Variants in SAGE1 observed in about 807,000 individuals in gnomAD.
SAGE1 encodes the protein cancer/testis antigen 14.
SAGE1 carries 55 observed loss-of-function variants against 55.4 expected under a neutral mutation model. The ratio of observed to expected loss-of-function variants is 0.99; its 90% CI spans 0.80 to 1.24. SAGE1 has a LOEUF of 1.24. SAGE1 is among the 50% of genes most tolerant of loss of function. The pLI is 0.00. For missense variants in SAGE1, 710 were observed against 704.4 expected, an observed-to-expected ratio of 1.01 and a Z score of -0.09; for synonymous variants, 240 against 244.3, an observed-to-expected ratio of 0.98 and a Z score of 0.17.
intron 2 of SAGE1, among the ~76,000 whole-genome samples, chrX:135,898,318 C>A (rs1432873476): frequency 8.9e-6 from 1 of 112,276 alleles, no homozygotes; most frequent in African/African-American, 3.2e-5. Flanking sequence ...CGCACCCGGC[C>A]GATCTCATTC....
In SAGE1 at chrX:135,907,710, T is replaced by A; in HGVS notation, c.1028T>A (p.Ile343Asn). ...GMNTRDQYAT[I>N]THNVCEERVV... ...TTCATTTGGTTTCCAGATGCTACCA[T>A]CACTCACAATGTCTGTGAAGAGAGA... is the stretch of plus-strand genomic sequence containing the variant. Residue 343 changes from isoleucine to asparagine, a missense_variant, in exon 10 of 20, where the codon ATC (isoleucine) becomes AAC (asparagine). Coordinates refer to ENST00000370709, the MANE Select transcript of SAGE1 (RefSeq NM_001381902.1). 2 of 1,209,320 alleles carry A rather than the reference T, an allele frequency of 1.7e-6. No individual in the cohort carries two copies. Among genetic ancestry groups the A allele is most frequent in the Non-Finnish European group, 2.2e-6 (2 of 894,063 alleles).
Position 135,908,947 on chromosome X carries a change from C to A in SAGE1, c.1525C>A (p.Pro509Thr). The change falls in exon 13 of 20, where the codon CCA becomes ACA. Residue 509 changes from proline (P) to threonine (T), a missense_variant. Physicochemically the swap from Pro to Thr is conservative, Grantham distance 38. Coordinates refer to ENST00000370709, the MANE Select transcript of SAGE1 (RefSeq NM_001381902.1). ...TGATAAGGTCATATCAAATGATGCA[C>A]CACAGCTTGGTCATATGGCTGCAGG... ...QTDKVISNDA[P>T]QLGHMAAGGI... The A allele has an allele frequency of 2.5e-6, 3 of 1,209,167 alleles. No homozygotes were observed. Among genetic ancestry groups the A allele is most frequent in the Non-Finnish European group, 3.4e-6 (3 of 893,497 alleles).
At chrX:135,903,191 C>T (rs1300777639) in intron 3 of SAGE1, among the ~76,000 whole-genome samples, 1 of 112,328 alleles carries the variant, frequency 8.9e-6, no homozygotes, top group African/African-American at 3.2e-5. Context: ...CTTGGCCTCA[C>T]TGCAGCCTGG....
chrX:135,910,163 G>C lies in SAGE1; in HGVS notation c.1857G>C (p.Arg619Ser). 5 of 1,206,024 alleles carry C rather than the reference G, an allele frequency of 4.1e-6. No individual in the cohort carries two copies. The highest frequency in any genetic ancestry group is 5.6e-6 in the Non-Finnish European group (5 of 891,219). Residue 619 changes from arginine (R) to serine (S), a missense_variant, in exon 15 of 20, where the codon AGG becomes AGC. Physicochemically the swap from Arg to Ser is moderately radical, Grantham distance 110 (BLOSUM62 -1). Transcript: ENST00000370709. ...CTGGTGTTTCATCCATGAGTACCAG[G>C]GATCAGTGTAAGTTTATTCACTTGT... Reference protein sequence around the residue: ...AATGVSSMSTRDQYAAVTHNI... With the variant: ...AATGVSSMSTSDQYAAVTHNI...
chrX:135,898,162 C>G (rs112377593), intron 2 of SAGE1, among the ~76,000 whole-genome samples: 2 of 111,258 alleles, frequency 1.8e-5, no homozygotes, highest in Admixed American at 9.5e-5. Flanking sequence ...GTACTGCAAG[C>G]GCCCGCCACC....
Position 135,904,550 on chromosome X carries a change from A to C in SAGE1, c.294A>C (p.Ser98=). Residue 98 remains serine (S), a synonymous_variant, in exon 4 of 20, where the codon TCA becomes TCC. Transcript: ENST00000370709. The stretch of plus-strand genomic sequence containing the variant: ...AACCAGTAGCTGATAATGTCTTGTC[A>C]ACTGCTCCACCATGGCCTGGTAATA... ...NGQPVADNVL[S]TAPPWPDATI... The C allele has an allele frequency of 4.2e-6, 5 of 1,194,354 alleles. No homozygotes were observed. In the Middle Eastern group the frequency reaches 1.2e-3, roughly 277 times the overall value.
chrX:135,907,549 A>T (rs181865315), intron 9 of SAGE1, 96 bp downstream of exon 9: 737 of 989,781 alleles, frequency 7.4e-4, no homozygotes, highest in Non-Finnish European at 8.9e-4. Flanking sequence ...ATTCTCTTTC[A>T]TGAGCTCAAT....
In SAGE1 at chrX:135,911,729, A is replaced by T. The variant is rs147884544; in HGVS notation, c.2297A>T (p.Asp766Val). The change falls in exon 18 of 20, where the codon GAC becomes GTC. Residue 766 changes from aspartate to valine, a missense_variant. Physicochemically the swap from Asp to Val is radical, Grantham distance 152. Coordinates refer to ENST00000370709, the MANE Select transcript of SAGE1 (RefSeq NM_001381902.1). ...AATGCATTGGATTCTTTCTCTCACG[A>T]CTTCACAAGTCTCAGCAAAGATGAG... ...PPNALDSFSHDFTSLSKDELL... is the reference protein window; with the variant it reads ...PPNALDSFSHVFTSLSKDELL... 1,007 of 1,209,424 alleles carry T rather than the reference A, an allele frequency of 8.3e-4. 5 individuals are homozygous for T. In the African/African-American group the frequency reaches 0.014, roughly 17 times the overall value.
intron 16 of SAGE1, 94 bp from the exon 17 acceptor site, chrX:135,911,098 A>G: frequency 1.0e-6 from 1 of 989,478 alleles, no homozygotes. Context: ...GCTGTATGGG[A>G]TAACGTCCTG....
chrX:135,905,752 G>A (rs1409653220), intron 5 of SAGE1, among the ~76,000 whole-genome samples: 1 of 112,284 alleles, frequency 8.9e-6, no homozygotes, highest in Non-Finnish European at 1.9e-5. Flanking sequence ...CACAGGGGCT[G>A]ATATTCCACC....
At chrX:135,897,603 A>G (rs1299539505) in intron 2 of SAGE1, among the ~76,000 whole-genome samples, 1 of 112,281 alleles carries the variant, frequency 8.9e-6, no homozygotes, top group Admixed American at 9.4e-5. Flanking sequence ...TCAAAATTAT[A>G]TATTTGAATA....
At chrX:135,903,520 G>C (rs1212504199) in intron 3 of SAGE1, among the ~76,000 whole-genome samples, 8 of 112,847 alleles carry the variant, frequency 7.1e-5, no homozygotes, top group African/African-American at 2.6e-4. Context: ...AAATGAAAGA[G>C]GCGTCAGACC....
At chrX:135,909,548 A>G in intron 13 of SAGE1, 91 bp from the exon 14 acceptor site, 2 of 927,195 alleles carry the variant, frequency 2.2e-6, no homozygotes, top group Non-Finnish European at 3.0e-6. Context: ...TTATGGAACA[A>G]TTTCTTACAA....
chrX:135,896,560 CT>C (rs35997575), intron 2 of SAGE1, among the ~76,000 whole-genome samples: 3,424 of 94,982 alleles, frequency 0.036, 163 homozygotes, highest in African/African-American at 0.12. Context: ...TTATTTATAT[CT>C]TTTTTTTTTT....
intron 12 of SAGE1, 47 bp from the exon 13 acceptor site, chrX:135,908,817 A>G (rs1556604038): frequency 1.7e-6 from 2 of 1,187,500 alleles, no homozygotes; most frequent in African/African-American, 3.5e-5. Flanking sequence ...GGTGGGGTTG[A>G]CATAATGCAC....
At chrX:135,905,139 T>C in intron 4 of SAGE1, 113 bp from the exon 5 acceptor site, 1 of 702,950 alleles carries the variant, frequency 1.4e-6, no homozygotes, top group Non-Finnish European at 2.1e-6. Context: ...TTATATGATG[T>C]ATTCTCCTGC....
chrX:135,895,634 C>G (rs1159715990), intron 1 of SAGE1, among the ~76,000 whole-genome samples: 3 of 111,749 alleles, frequency 2.7e-5, no homozygotes, highest in African/African-American at 9.8e-5. Flanking sequence ...TCTAGTCACA[C>G]ACACATAGTT....
chrX:135,903,804 A>T (rs2088728898), intron 3 of SAGE1, among the ~76,000 whole-genome samples: 1 of 111,117 alleles, frequency 9.0e-6, no homozygotes, highest in Non-Finnish European at 1.9e-5. Context: ...GGGCAGCAAG[A>T]TGATACAAAA....
chrX:135,905,325 A>G lies in SAGE1; in HGVS notation c.387A>G (p.Ser129=). 8.3e-7 allele frequency: 1 copy of G among 1,209,510 alleles called. No individual in the cohort carries two copies. ...NGQSRTDKVL[S]TAPPQLVHMA... is the part of the protein sequence containing the mutation. ...AATCTCGAACTGACAAAGTCTTGTC[A>G]ACTGCTCCACCACAGCTTGTTCATA... Residue 129 remains serine (S), a synonymous_variant, in exon 5 of 20, where the codon TCA becomes TCG. Transcript: ENST00000370709.
Sources: allele counts gnomAD v4.1 joint callset (sites outside exome capture counted in the v4.1 genomes callset), GRCh38; gene constraint gnomAD v4.1.1; transcripts MANE v1.5; gene names NCBI Gene and HGNC (gene_info 2026-07-23, HGNC 2026-07-21).